The following SETBP1 variants were observed in gnomAD, a reference collection of about 807,000 sequenced individuals.
The protein encoded by SETBP1 is SET-binding protein.
Under a neutral mutation model 101.0 loss-of-function variants are expected in SETBP1, and 9 were observed. The observed-to-expected ratio is 0.09, with a 90% CI of 0.05 to 0.16. The LOEUF is 0.16. Among genes scored for constraint, SETBP1 ranks in the 10% least tolerant of loss-of-function variants. SETBP1 has a pLI of 1.00. For missense variants in SETBP1, 1,858 were observed against 2,033.8 expected (o/e 0.91, Z 1.66); for synonymous variants, 818 against 788.5 (o/e 1.04, Z -0.63).
At chr18:44,761,659 T>C (rs1452503686) in intron 2 of SETBP1, among the ~76,000 whole-genome samples, 1 of 152,244 alleles carries the variant, frequency 6.6e-6, no homozygotes, top group Non-Finnish European at 1.5e-5. Context: ...ATTGGATCTA[T>C]GTTGTTATGT....
chr18:44,776,503 A>C (rs1023915102), intron 2 of SETBP1, among the ~76,000 whole-genome samples: 1 of 152,188 alleles, frequency 6.6e-6, no homozygotes, highest in Non-Finnish European at 1.5e-5. Flanking sequence ...CCCCAAAAGC[A>C]CAGGGACAGG....
chr18:44,750,479 TA>T (rs1046340439), intron 2 of SETBP1, among the ~76,000 whole-genome samples: 2 of 152,204 alleles, frequency 1.3e-5, no homozygotes, highest in African/African-American at 4.8e-5. Flanking sequence ...GTTAGGGTGT[TA>T]ACATGAATTT....
intron 3 of SETBP1, among the ~76,000 whole-genome samples, chr18:44,908,218 G>T (rs1225380080): frequency 6.6e-6 from 1 of 151,930 alleles, no homozygotes; most frequent in African/African-American, 2.4e-5. Flanking sequence ...CCACCACCAT[G>T]CTCATCTAAT....
chr18:44,750,439 G>C (rs1201018572), intron 2 of SETBP1, among the ~76,000 whole-genome samples: 1 of 152,108 alleles, frequency 6.6e-6, no homozygotes, highest in Admixed American at 6.5e-5. Context: ...CCTCCCAAAG[G>C]CCCCACCTCC....
chr18:44,845,648 C>A (rs2072709928), intron 2 of SETBP1, among the ~76,000 whole-genome samples: 1 of 152,234 alleles, frequency 6.6e-6, no homozygotes, highest in Admixed American at 6.5e-5. Flanking sequence ...GTGATGCTCT[C>A]TGCCCTGCAG....
At chr18:44,991,149 G>A (rs546675063) in intron 4 of SETBP1, among the ~76,000 whole-genome samples, 28 of 149,602 alleles carry the variant, frequency 1.9e-4, no homozygotes, top group South Asian at 1.3e-3. Flanking sequence ...AGACTAAGGC[G>A]AGAGAATTGC....
intron 4 of SETBP1, among the ~76,000 whole-genome samples, chr18:44,995,777 T>A (rs2072485878): frequency 6.6e-6 from 1 of 152,116 alleles, no homozygotes; most frequent in Admixed American, 6.6e-5. Context: ...CACTGTCTCC[T>A]CACAGGACAG....
intron 4 of SETBP1, among the ~76,000 whole-genome samples, chr18:45,011,764 C>T (rs924405544): frequency 6.6e-6 from 1 of 152,210 alleles, no homozygotes; most frequent in Non-Finnish European, 1.5e-5. Context: ...GTCAGACCAC[C>T]TAGTTCTGAA....
At position 44,725,871 on chromosome 18, in the gene SETBP1, A is replaced by G. The variant is rs150878771; in HGVS notation, c.486+24039A>G. Among the ~76,000 whole-genome samples the G allele has an allele frequency of 3.4e-3, 519 of 152,254 alleles. 3 individuals carry two copies. Among genetic ancestry groups the G allele is most frequent in the African/African-American group, 0.012 (495 of 41,524 alleles). On this transcript the variant is annotated intron_variant, in intron 2 of 5. Coordinates refer to ENST00000649279, the MANE Select transcript of SETBP1 (RefSeq NM_015559.3). ...GCCAATAATAGACTAAGGCAGTTTC[A>G]GTTTTAGACAATTTCCTTTTTTACT...
intron 3 of SETBP1, among the ~76,000 whole-genome samples, chr18:44,893,579 C>G (rs1264580617): frequency 6.6e-6 from 1 of 152,100 alleles, no homozygotes; most frequent in South Asian, 2.1e-4. Flanking sequence ...CCCGGTGTGG[C>G]CTTCCTGAAG....
At chr18:44,714,612 A>ATG (rs1487854230) in intron 2 of SETBP1, among the ~76,000 whole-genome samples, 1 of 151,292 alleles carries the variant, frequency 6.6e-6, no homozygotes, top group East Asian at 1.9e-4. Context: ...GGGTGTGTGT[A>ATG]TGTGTGTGTG....
chr18:44,972,468 G>A (rs2071888138), intron 4 of SETBP1, among the ~76,000 whole-genome samples: 1 of 152,206 alleles, frequency 6.6e-6, no homozygotes, highest in African/African-American at 2.4e-5. Flanking sequence ...ACCTCGGGCA[G>A]TATGGCCATT....
intron 3 of SETBP1, among the ~76,000 whole-genome samples, chr18:44,885,857 C>CAAAAAAAAAAAAAAAAAAAAAAAAAAAA (rs1555696149): frequency 1.3e-5 from 1 of 78,166 alleles, no homozygotes; most frequent in Non-Finnish European, 2.4e-5. Context: ...AAAAAAAAAA[C>CAAAAAAAAAAAAAAAAAAAAAAAAAAAA]AAAAAAAAAA....
intron 2 of SETBP1, among the ~76,000 whole-genome samples, chr18:44,815,798 C>G (rs943827862): frequency 6.6e-6 from 1 of 152,156 alleles, no homozygotes; most frequent in Admixed American, 6.5e-5. Context: ...CTCAGACAGG[C>G]AAAACAACAG....
At chr18:45,012,050 G>A (rs978309500) in intron 4 of SETBP1, among the ~76,000 whole-genome samples, 3 of 152,178 alleles carry the variant, frequency 2.0e-5, no homozygotes, top group Non-Finnish European at 4.4e-5. Context: ...AATTCTCCAG[G>A]CTTGACCCAG....
At chr18:44,957,852 A>G (rs1056098369) in intron 4 of SETBP1, among the ~76,000 whole-genome samples, 5 of 152,346 alleles carry the variant, frequency 3.3e-5, no homozygotes, top group African/African-American at 9.6e-5. Flanking sequence ...GGGAGGAGAA[A>G]ATTAAGACCA....
chr18:44,741,804 C>G (rs1451714034), intron 2 of SETBP1, among the ~76,000 whole-genome samples: 1 of 152,150 alleles, frequency 6.6e-6, no homozygotes, highest in African/African-American at 2.4e-5. Flanking sequence ...CCTCACCCAC[C>G]CCTGACGCTT....
chr18:44,950,305 C>T lies in SETBP1; in HGVS notation c.965C>T (p.Thr322Ile), dbSNP rs1161568284. The stretch of plus-strand genomic sequence containing the variant: ...TTGGTGGATCAAGATGGAGGAGGTA[C>T]AAAGGAGCCCCCAGAACCACCTACG... The part of the protein sequence containing the change: ...QPLVDQDGGG[T>I]KEPPEPPTVG... Residue 322 changes from threonine to isoleucine, a missense_variant, in exon 4 of 6, where the codon ACA becomes ATA. Physicochemically the swap from Thr to Ile is moderately conservative, Grantham distance 89. Around this residue, in one of 12 missense-constraint regions of SETBP1, gnomAD observed 581 missense variants for 535.1 expected, o/e 1.09. Transcript: ENST00000649279. 1.2e-6 allele frequency: 2 copies of T among 1,613,876 alleles called. No homozygotes were observed. Among genetic ancestry groups the T allele is most frequent in the African/African-American group, 2.7e-5 (2 of 74,908 alleles).
At chr18:44,713,611 C>G (rs546744972) in intron 2 of SETBP1, among the ~76,000 whole-genome samples, 2 of 152,122 alleles carry the variant, frequency 1.3e-5, no homozygotes, top group Non-Finnish European at 2.9e-5. Flanking sequence ...GTATTGTAAC[C>G]TCCTCTGTTC....
Sources: gnomAD v4.1 joint callset for allele counts (sites outside exome capture counted in the v4.1 genomes callset) on GRCh38, gnomAD v4.1.1 for gene constraint, gnomAD v4.1.1 regional missense constraint, MANE v1.5 for transcripts, NCBI Gene and HGNC (gene_info 2026-07-23, HGNC 2026-07-21) for gene names.